Variants in MACROD2 observed in about 807,000 individuals in gnomAD.
MACROD2 encodes ADP-ribose glycohydrolase MACROD2.
In MACROD2, 36 loss-of-function variants were observed where a neutral mutation model predicts 70.4. That is an observed-to-expected ratio of 0.51 (90% confidence interval 0.39 to 0.68). The LOEUF is 0.68. Ranked by LOEUF, MACROD2 falls within the 30% of genes least tolerant of loss-of-function variation. The pLI, the probability that MACROD2 is intolerant of heterozygous loss-of-function variation, is 0.00. For missense variants in MACROD2, 496 were observed against 538.4 expected, an observed-to-expected ratio of 0.92 and a Z score of 0.78; for synonymous variants, 172 against 178.8, an observed-to-expected ratio of 0.96 and a Z score of 0.30.
chr20:14,311,980 T>C (rs1441080473), intron 3 of MACROD2, among the ~76,000 whole-genome samples: 2 of 152,222 alleles, frequency 1.3e-5, no homozygotes, highest in South Asian at 2.1e-4. Flanking sequence ...AATCAATATT[T>C]GGTACTGATA....
intron 15 of MACROD2, among the ~76,000 whole-genome samples, chr20:16,024,497 T>TCACACACACA (rs145103665): frequency 2.7e-5 from 4 of 150,658 alleles, no homozygotes; most frequent in Non-Finnish European, 4.4e-5. Flanking sequence ...GCAGCCATGT[T>TCACACACACA]CACACACACA....
intron 3 of MACROD2, among the ~76,000 whole-genome samples, chr20:14,239,114 C>T (rs1373899382): frequency 6.6e-6 from 1 of 150,824 alleles, no homozygotes; most frequent in Non-Finnish European, 1.5e-5. Context: ...AGAATACAAT[C>T]TCATTCTCAA....
intron 7 of MACROD2, among the ~76,000 whole-genome samples, chr20:15,450,493 G>A (rs1050497812): frequency 2.0e-5 from 3 of 151,906 alleles, no homozygotes; most frequent in African/African-American, 7.2e-5. Flanking sequence ...ATGCTTATAT[G>A]TACACACGTA....
intron 7 of MACROD2, among the ~76,000 whole-genome samples, chr20:15,470,966 A>T (rs897698245): frequency 5.3e-5 from 8 of 151,690 alleles, no homozygotes; most frequent in African/African-American, 1.9e-4. Context: ...CTCCCAACTC[A>T]TCTCTATTCT....
At chr20:14,903,336 C>T (rs566056455) in intron 5 of MACROD2, among the ~76,000 whole-genome samples, 36 of 152,118 alleles carry the variant, frequency 2.4e-4, no homozygotes, top group Non-Finnish European at 4.6e-4. Context: ...CCACTGCACC[C>T]GGCCCAGGTT....
chr20:14,111,017 A>AT (rs1234014592), intron 3 of MACROD2, among the ~76,000 whole-genome samples: 1 of 152,042 alleles, frequency 6.6e-6, no homozygotes, highest in East Asian at 1.9e-4. Flanking sequence ...TGGTGCTGGC[A>AT]TAAAAACAGA....
rs374850417 is a variant in MACROD2 at position 15,360,195 on chromosome 20, T to G, written c.541-71210T>G. On this transcript the variant is annotated intron_variant, in intron 6 of 17. Transcript: ENST00000684519. ...TTCCACATATCAGTAGTTTGTTTCTTTTATTGCAGAGTGGTAGTCAATAGT... is the reference window on the plus strand; with the variant it reads ...TTCCACATATCAGTAGTTTGTTTCTGTTATTGCAGAGTGGTAGTCAATAGT... Among the ~76,000 whole-genome samples the G allele has an allele frequency of 1.1e-4, 17 of 152,324 alleles. No homozygotes were observed. In the East Asian group the frequency reaches 1.5e-3, roughly 14 times the overall value.
At chr20:15,490,320 A>G (rs2047216651) in intron 7 of MACROD2, among the ~76,000 whole-genome samples, 2 of 143,534 alleles carry the variant, frequency 1.4e-5, no homozygotes, top group East Asian at 4.1e-4. Flanking sequence ...ACAGGGTTTC[A>G]CTCTGTCACC....
chr20:15,802,714 T>C (rs928929663), intron 8 of MACROD2, among the ~76,000 whole-genome samples: 3 of 151,994 alleles, frequency 2.0e-5, no homozygotes, highest in Admixed American at 6.6e-5. Flanking sequence ...ATACATTGGA[T>C]CAATGAAGTG....
rs113810285 is a variant in MACROD2, at chr20:14,419,762, G to T, written c.272-73717G>T. Among the ~76,000 whole-genome samples, 293 of 152,052 alleles carry T rather than the reference G, an allele frequency of 1.9e-3. 1 individual carries two copies. The highest frequency in any genetic ancestry group is 6.7e-3 in the African/African-American group (276 of 41,486). ...ATATACTGGTGTTTATATATTTCTA[G>T]TATTGCTTCTATTATTTCTTTTCAT... is the stretch of plus-strand genomic sequence containing the variant. On this transcript the variant is annotated intron_variant, in intron 3 of 17. Coordinates refer to ENST00000684519, the MANE Select transcript of MACROD2 (RefSeq NM_001351661.2).
chr20:14,740,555 C>A (rs945446843), intron 5 of MACROD2, among the ~76,000 whole-genome samples: 5 of 152,100 alleles, frequency 3.3e-5, no homozygotes, highest in African/African-American at 1.2e-4. Flanking sequence ...TGAATTATTT[C>A]ATGTTTTTTT....
At chr20:15,457,280 A>G (rs940743605) in intron 7 of MACROD2, among the ~76,000 whole-genome samples, 2 of 152,082 alleles carry the variant, frequency 1.3e-5, no homozygotes, top group East Asian at 1.9e-4. Context: ...AGATGTTTCT[A>G]TTTTGAGGAG....
intron 3 of MACROD2, among the ~76,000 whole-genome samples, chr20:14,320,324 G>A (rs985737935): frequency 6.6e-6 from 1 of 152,038 alleles, no homozygotes; most frequent in African/African-American, 2.4e-5. Context: ...GCAGTGCGCT[G>A]TTCAGGCCCT....
chr20:16,030,264 GATATGCT>G (rs1415781843), intron 15 of MACROD2, among the ~76,000 whole-genome samples: 1 of 152,186 alleles, frequency 6.6e-6, no homozygotes, highest in African/African-American at 2.4e-5. Flanking sequence ...CTGGGCGTGG[GATATGCT>G]ATATACTTGC....
chr20:15,086,539 T>C (rs1172789102), intron 5 of MACROD2, among the ~76,000 whole-genome samples: 1 of 152,196 alleles, frequency 6.6e-6, no homozygotes, highest in Admixed American at 6.5e-5. Flanking sequence ...TTCAGAATGT[T>C]ACTTTGATCA....
intron 8 of MACROD2, among the ~76,000 whole-genome samples, chr20:15,795,258 A>T (rs1458470327): frequency 6.6e-6 from 1 of 152,090 alleles, no homozygotes; most frequent in Admixed American, 6.5e-5. Context: ...GTGGGGAAAG[A>T]GGTACAGCCA....
Position 15,112,950 on chromosome 20 carries a change from C to CTGTGTGTGTG in MACROD2, c.419-116968_419-116959dup, listed in dbSNP as rs11467446. Among the ~76,000 whole-genome samples the CTGTGTGTGTG allele has an allele frequency of 2.0e-3, 286 of 146,108 alleles. 2 individuals are homozygous for CTGTGTGTGTG. The highest frequency in any genetic ancestry group is 3.1e-3 in the South Asian group (14 of 4,534). ...TTTTTCCAGGCTGGATAATATTTCA[C>CTGTGTGTGTG]TGTGTGTGTGTGTGTGTGTGTGTGT... On this transcript the variant is annotated intron_variant, in intron 5 of 17. Transcript: ENST00000684519.
At chr20:15,453,980 G>A (rs1789026207) in intron 7 of MACROD2, among the ~76,000 whole-genome samples, 2 of 152,198 alleles carry the variant, frequency 1.3e-5, no homozygotes, top group South Asian at 4.2e-4. Flanking sequence ...ATTGGCCTGT[G>A]TCTCCCACGC....
intron 7 of MACROD2, among the ~76,000 whole-genome samples, chr20:15,482,539 G>C (rs1478279507): frequency 6.6e-6 from 1 of 152,208 alleles, no homozygotes; most frequent in Non-Finnish European, 1.5e-5. Flanking sequence ...TTGATCTACT[G>C]TCTCTAACCC....
Sources: allele counts gnomAD v4.1 joint callset (sites outside exome capture counted in the v4.1 genomes callset), GRCh38; gene constraint gnomAD v4.1.1; transcripts MANE v1.5; gene names NCBI Gene and HGNC (gene_info 2026-07-23, HGNC 2026-07-21).